The following ZZZ3 variants were observed in gnomAD, a reference collection of about 807,000 sequenced individuals.
ZZZ3 encodes the protein ZZ-type zinc finger-containing protein 3.
ZZZ3 carries 22 observed loss-of-function variants against 95.2 expected under a neutral mutation model. The observed-to-expected ratio is 0.23, with a 90% CI of 0.17 to 0.33. The LOEUF (loss-of-function observed/expected upper bound fraction) is 0.33, where lower values mean the gene tolerates loss of function less well. Among genes scored for constraint, ZZZ3 ranks in the 10% least tolerant of loss-of-function variants. The probability of loss-of-function intolerance (pLI) is 1.00; values close to 1 mark genes in which losing one functional copy is unlikely to be tolerated. For missense variants in ZZZ3, 885 were observed against 1,066.5 expected (o/e 0.83, Z 2.37); for synonymous variants, 335 against 358.9 (o/e 0.93, Z 0.75).
At chr1:77,677,575 T>C (rs2101086601) in intron 1 of ZZZ3, among the ~76,000 whole-genome samples, 1 of 152,322 alleles carries the variant, frequency 6.6e-6, no homozygotes, top group Admixed American at 6.5e-5. Flanking sequence ...TATTGTTCAG[T>C]ATGTTTTAAG....
intron 5 of ZZZ3, among the ~76,000 whole-genome samples, chr1:77,618,583 G>T (rs574097768): frequency 6.6e-6 from 1 of 152,218 alleles, no homozygotes; most frequent in African/African-American, 2.4e-5. Flanking sequence ...ATTTCATGAG[G>T]TCTGCCTCGA....
At chr1:77,653,511 T>A (rs1455584996) in intron 1 of ZZZ3, among the ~76,000 whole-genome samples, 1 of 152,266 alleles carries the variant, frequency 6.6e-6, no homozygotes, top group East Asian at 1.9e-4. Context: ...CCCAACACTT[T>A]GTGAGGCTGA....
At chr1:77,613,553 G>A (rs1666016413) in intron 5 of ZZZ3, among the ~76,000 whole-genome samples, 1 of 151,896 alleles carries the variant, frequency 6.6e-6, no homozygotes, top group African/African-American at 2.4e-5. Context: ...GGTAGGTAGA[G>A]ACTGAGGAAC....
At chr1:77,572,813 C>T (rs1211998032) in intron 12 of ZZZ3, among the ~76,000 whole-genome samples, 1 of 149,856 alleles carries the variant, frequency 6.7e-6, no homozygotes, top group African/African-American at 2.5e-5. Flanking sequence ...ATAATTTTTT[C>T]TTTTTTCTTT....
intron 5 of ZZZ3, among the ~76,000 whole-genome samples, chr1:77,598,899 G>C (rs1320352324): frequency 6.6e-6 from 1 of 152,110 alleles, no homozygotes; most frequent in Non-Finnish European, 1.5e-5. Flanking sequence ...TAGCTATTAA[G>C]TAAGTACACT....
intron 1 of ZZZ3, among the ~76,000 whole-genome samples, chr1:77,682,029 G>C (rs756727280): frequency 2.0e-5 from 3 of 152,038 alleles, no homozygotes; most frequent in Non-Finnish European, 2.9e-5. Flanking sequence ...ACCGATAACT[G>C]AGTTAATAGG....
At chr1:77,637,682 T>C (rs1358311549) in intron 4 of ZZZ3, among the ~76,000 whole-genome samples, 1 of 151,966 alleles carries the variant, frequency 6.6e-6, no homozygotes, top group East Asian at 1.9e-4. Context: ...AAATAAAAAG[T>C]CTGTATTATC....
At chr1:77,656,169 C>T (rs1004263977) in intron 1 of ZZZ3, among the ~76,000 whole-genome samples, 1 of 152,142 alleles carries the variant, frequency 6.6e-6, no homozygotes, top group African/African-American at 2.4e-5. Context: ...TATTTTATAG[C>T]TGCCTAACTG....
chr1:77,674,010 GAA>G (rs11320447), intron 1 of ZZZ3, among the ~76,000 whole-genome samples: 93 of 140,152 alleles, frequency 6.6e-4, no homozygotes, highest in Admixed American at 7.1e-4. Flanking sequence ...TTTTAAGTAG[GAA>G]AAAAAAAAAA....
intron 5 of ZZZ3, among the ~76,000 whole-genome samples, chr1:77,608,350 G>A (rs1187850648): frequency 6.6e-6 from 1 of 152,182 alleles, no homozygotes; most frequent in African/African-American, 2.4e-5. Context: ...AGAGTGGCAT[G>A]ACAAACTTAA....
rs1660616950 is a variant in ZZZ3, at chr1:77,563,909, A to G, written c.*1731T>C. 6.6e-6 allele frequency: 1 copy of G among 152,032 alleles called. No individual in the cohort carries two copies. Among genetic ancestry groups the G allele is most frequent in the South Asian group, 2.1e-4 (1 of 4,820 alleles). 9.4% of individuals were successfully genotyped at this position (152,032 alleles called of 1,614,324 possible). The stretch of plus-strand genomic sequence containing the variant: ...TACTTTAAAATTCTCATATTTCTAT[A>G]TTTAAAATTCTATTACTTTTCTCAA... On this transcript the variant is annotated 3_prime_UTR_variant, in exon 15 of 15. Coordinates refer to ENST00000370801, the MANE Select transcript of ZZZ3 (RefSeq NM_015534.6).
chr1:77,583,907 C>T (rs191109308), intron 6 of ZZZ3, among the ~76,000 whole-genome samples: 19 of 152,176 alleles, frequency 1.2e-4, no homozygotes, highest in South Asian at 2.1e-4. Context: ...AAACCTGTAT[C>T]GCTTTTAAGT....
chr1:77,628,982 C>A (rs766907395), intron 5 of ZZZ3, among the ~76,000 whole-genome samples: 5 of 152,162 alleles, frequency 3.3e-5, no homozygotes, highest in Non-Finnish European at 5.9e-5. Context: ...TAAACCATCT[C>A]CTTCAAGTGC....
intron 5 of ZZZ3, among the ~76,000 whole-genome samples, chr1:77,628,452 G>A (rs112089582): frequency 0.026 from 4,018 of 152,244 alleles, 57 homozygotes; most frequent in Middle Eastern, 0.078. Context: ...GGATTTATGC[G>A]CTAGAGAAGA....
At chr1:77,644,212 C>T (rs562211568) in intron 1 of ZZZ3, among the ~76,000 whole-genome samples, 1 of 152,052 alleles carries the variant, frequency 6.6e-6, no homozygotes, top group Non-Finnish European at 1.5e-5. Flanking sequence ...ATTACAGGCG[C>T]CTGCCACCAC....
In ZZZ3 at chr1:77,650,041, T is replaced by C. The variant is rs115070357; in HGVS notation, c.-402-8386A>G. 9.0e-3 allele frequency among the ~76,000 whole-genome samples: 1,377 copies of C among 152,228 alleles called. 20 individuals carry two copies. The highest frequency in any genetic ancestry group is 0.032 in the African/African-American group (1,341 of 41,520). ...GATTCTTATACTACATGTAAAGTGGTATAACAGCACTTCAAAGTATGCTAA... is the reference window on the plus strand; with the variant it reads ...GATTCTTATACTACATGTAAAGTGGCATAACAGCACTTCAAAGTATGCTAA... On this transcript the variant is annotated intron_variant, in intron 1 of 14. Coordinates refer to ENST00000370801, the MANE Select transcript of ZZZ3 (RefSeq NM_015534.6).
At chr1:77,566,442 A>T (rs1163465231) in intron 13 of ZZZ3, among the ~76,000 whole-genome samples, 1 of 152,248 alleles carries the variant, frequency 6.6e-6, no homozygotes, top group African/African-American at 2.4e-5. Context: ...AAATTTATTT[A>T]AAAATTTTTA....
chr1:77,600,839 T>C (rs1664660377), intron 5 of ZZZ3, among the ~76,000 whole-genome samples: 1 of 152,078 alleles, frequency 6.6e-6, no homozygotes, highest in Non-Finnish European at 1.5e-5. Context: ...CTAGACTAAC[T>C]AGGACGGAGT....
In ZZZ3 at chr1:77,578,662, G is replaced by T. The variant is rs1342806018; in HGVS notation, c.2178+112C>A. On this transcript the variant is annotated intron_variant, in intron 11 of 14. Coordinates refer to ENST00000370801, the MANE Select transcript of ZZZ3 (RefSeq NM_015534.6). ...CACAATATAAGGAAATGCTTAGAAT[G>T]AACAGAAGTTTTAAAATACAACACT... 3 of 573,598 alleles carry T rather than the reference G, an allele frequency of 5.2e-6. No homozygotes were observed. The African/African-American group carries it at 5.8e-5, about 11-fold the overall frequency. The allele number at this position is 573,598 out of a possible 1,614,324, so 35.5% of individuals were successfully genotyped here. A position where few individuals can be genotyped will look rare whatever the true frequency, so the allele number is the denominator to read the frequency against.
Sources: gnomAD v4.1 joint callset for allele counts (sites outside exome capture counted in the v4.1 genomes callset) on GRCh38, gnomAD v4.1.1 for gene constraint, MANE v1.5 for transcripts, NCBI Gene and HGNC (gene_info 2026-07-23, HGNC 2026-07-21) for gene names.